The following SLC44A1 variants were observed in gnomAD, a reference collection of about 807,000 sequenced individuals.
The protein encoded by SLC44A1 is choline transporter-like protein 1.
In SLC44A1, 26 loss-of-function variants were observed where a neutral mutation model predicts 79.3. The observed-to-expected ratio is 0.33, with a 90% CI of 0.24 to 0.46. The LOEUF is 0.46. Ranked by LOEUF, SLC44A1 falls within the 20% of genes least tolerant of loss-of-function variation. The pLI is 1.00. For synonymous variants in SLC44A1, 263 were observed against 286.2 expected (o/e 0.92, Z 0.82); for missense variants, 688 against 798.1 (o/e 0.86, Z 1.66).
intron 15 of SLC44A1, among the ~76,000 whole-genome samples, chr9:105,427,485 G>A (rs1199896364): frequency 6.6e-6 from 1 of 151,848 alleles, no homozygotes; most frequent in Non-Finnish European, 1.5e-5. Context: ...ACGTTGCTCA[G>A]GCTGGTCTCA....
chr9:105,349,106 G>A (rs1827326945), intron 5 of SLC44A1, among the ~76,000 whole-genome samples: 2 of 152,088 alleles, frequency 1.3e-5, no homozygotes, highest in African/African-American at 4.8e-5. Flanking sequence ...GAAAGGAAAT[G>A]AATTATCAAG....
At chr9:105,415,003 T>A (rs1487732779) in intron 15 of SLC44A1, among the ~76,000 whole-genome samples, 2 of 152,090 alleles carry the variant, frequency 1.3e-5, no homozygotes, top group Non-Finnish European at 2.9e-5. Flanking sequence ...TACTCACCCA[T>A]CAAACATAAG....
intron 15 of SLC44A1, among the ~76,000 whole-genome samples, chr9:105,418,028 A>G (rs910941845): frequency 6.6e-6 from 1 of 151,890 alleles, no homozygotes; most frequent in African/African-American, 2.4e-5. Flanking sequence ...AAAAATAATG[A>G]TAATAGGCTG....
At chr9:105,286,254 CAG>C (rs1240864684) in intron 1 of SLC44A1, among the ~76,000 whole-genome samples, 1 of 152,148 alleles carries the variant, frequency 6.6e-6, no homozygotes, top group Non-Finnish European at 1.5e-5. Context: ...CCACAGTAAA[CAG>C]AGCGCAGCAA....
chr9:105,331,448 G>A (rs537674327), intron 3 of SLC44A1, among the ~76,000 whole-genome samples: 27 of 152,280 alleles, frequency 1.8e-4, no homozygotes, highest in African/African-American at 5.8e-4. Flanking sequence ...TGCTTATTAC[G>A]ATTATTTGTT....
intron 1 of SLC44A1, among the ~76,000 whole-genome samples, chr9:105,290,958 G>A (rs748091078): frequency 6.6e-6 from 1 of 152,156 alleles, no homozygotes; most frequent in Non-Finnish European, 1.5e-5. Context: ...CCATCACCAG[G>A]CTTAGCAAAT....
chr9:105,306,228 C>T (rs1031739626), intron 2 of SLC44A1, among the ~76,000 whole-genome samples: 7 of 152,148 alleles, frequency 4.6e-5, no homozygotes, highest in Non-Finnish European at 7.4e-5. Context: ...TGAAAGCCTT[C>T]CTTATGCCCT....
intron 15 of SLC44A1, among the ~76,000 whole-genome samples, chr9:105,420,571 G>C (rs13297766): frequency 0.015 from 2,355 of 152,102 alleles, 22 homozygotes; most frequent in Non-Finnish European, 0.024. Flanking sequence ...ATCCAAAATG[G>C]ATGTTCTAGG....
rs1588867283 is a variant in SLC44A1, at chr9:105,396,405, A to T, written c.*7349A>T. 1 of 985,340 alleles carries T rather than the reference A, an allele frequency of 1.0e-6. No individual in the cohort carries two copies. Among genetic ancestry groups the T allele is most frequent in the East Asian group, 1.1e-4 (1 of 8,828 alleles). The allele number at this position is 985,340 out of a possible 1,614,324, so 61.0% of individuals were successfully genotyped here. A position where few individuals can be genotyped will look rare whatever the true frequency, so the allele number is the denominator to read the frequency against. On this transcript the variant is annotated 3_prime_UTR_variant, in exon 16 of 16. Coordinates refer to ENST00000374720, the MANE Select transcript of SLC44A1 (RefSeq NM_080546.5). Reference sequence around the variant, plus strand: ...CAGGGGCTTCAAAAAACAACCAAAGACAAAACCCTATCTTCTGAAGACCAA... The same window carrying T: ...CAGGGGCTTCAAAAAACAACCAAAGTCAAAACCCTATCTTCTGAAGACCAA...
intron 3 of SLC44A1, among the ~76,000 whole-genome samples, chr9:105,329,598 G>A (rs367855485): frequency 4.6e-5 from 7 of 152,208 alleles, no homozygotes; most frequent in South Asian, 2.1e-4. Context: ...TCACTGTTCC[G>A]TGGCCATTTG....
At chr9:105,428,238 T>A (rs1829347759) in intron 15 of SLC44A1, among the ~76,000 whole-genome samples, 3 of 152,134 alleles carry the variant, frequency 2.0e-5, no homozygotes, top group South Asian at 4.1e-4. Flanking sequence ...TTTCTATTTT[T>A]AAAAAATTAT....
At position 105,261,775 on chromosome 9, in the gene SLC44A1, CTTTTT is replaced by C. The variant is rs35530318; in HGVS notation, c.36+16889_36+16893del. On this transcript the variant is annotated intron_variant, in intron 1 of 15. Coordinates refer to ENST00000374720, the MANE Select transcript of SLC44A1 (RefSeq NM_080546.5). Reference sequence around the variant, plus strand: ...GCTGAATCTGTGTTTCTCTCTCTCTCTTTTTTTTTTTTTTTTTTTTTTGAGAGGGA... The same window carrying C: ...GCTGAATCTGTGTTTCTCTCTCTCTCTTTTTTTTTTTTTTTTTGAGAGGGA... Among the ~76,000 whole-genome samples the C allele has an allele frequency of 2.4e-4, 27 of 111,692 alleles. No individual in the cohort carries two copies. The South Asian group carries it at 2.5e-3, about 10-fold the overall frequency. The allele number at this position is 111,692 out of a possible 152,430, so 73.3% of individuals were successfully genotyped here.
intron 1 of SLC44A1, among the ~76,000 whole-genome samples, chr9:105,275,723 T>C (rs1295329434): frequency 1.3e-5 from 2 of 152,214 alleles, no homozygotes; most frequent in African/African-American, 2.4e-5. Flanking sequence ...TCCTTGATCA[T>C]ATCAGCAGTG....
intron 8 of SLC44A1, 41 bp from the exon 9 acceptor site, chr9:105,362,780 C>A: frequency 7.0e-7 from 1 of 1,424,396 alleles, no homozygotes; most frequent in African/African-American, 1.5e-5. Context: ...TTTCTGTTTT[C>A]ACTACTTATA....
At chr9:105,433,786 A>G (rs775703559) in intron 15 of SLC44A1, among the ~76,000 whole-genome samples, 1 of 152,206 alleles carries the variant, frequency 6.6e-6, no homozygotes, top group African/African-American at 2.4e-5. Context: ...CTCTAGCTAG[A>G]AAGTCCAATC....
intron 5 of SLC44A1, among the ~76,000 whole-genome samples, chr9:105,352,409 G>T (rs1464901667): frequency 1.3e-5 from 2 of 152,114 alleles, no homozygotes; most frequent in African/African-American, 4.8e-5. Context: ...TAACTGTGAT[G>T]ATCTGAACTT....
At chr9:105,416,295 A>T (rs79994813) in intron 15 of SLC44A1, among the ~76,000 whole-genome samples, 2 of 123,780 alleles carry the variant, frequency 1.6e-5, no homozygotes, top group African/African-American at 3.6e-5. Context: ...CAGGCAAGAT[A>T]AAAAAAAAAA....
chr9:105,434,743 T>C (rs1478272001), intron 15 of SLC44A1, among the ~76,000 whole-genome samples: 2 of 152,198 alleles, frequency 1.3e-5, no homozygotes, highest in African/African-American at 4.8e-5. Flanking sequence ...TGTTCAAGGA[T>C]AGTAGGAAAG....
intron 1 of SLC44A1, among the ~76,000 whole-genome samples, chr9:105,252,575 G>C (rs548978681): frequency 1.4e-4 from 21 of 152,304 alleles, no homozygotes; most frequent in African/African-American, 4.8e-4. Flanking sequence ...GTAAGTTACT[G>C]GGTCAAGGTG....
Sources: allele counts gnomAD v4.1 joint callset (sites outside exome capture counted in the v4.1 genomes callset), GRCh38; gene constraint gnomAD v4.1.1; transcripts MANE v1.5; gene names NCBI Gene and HGNC (gene_info 2026-07-23, HGNC 2026-07-21).